Variants in GPM6A observed in about 807,000 individuals in gnomAD.
GPM6A encodes the protein neuronal membrane glycoprotein M6-a.
A neutral mutation model predicts 32.1 loss-of-function variants in GPM6A; 7 were observed. The observed-to-expected ratio is 0.22, with a 90% CI of 0.12 to 0.41. GPM6A has a LOEUF of 0.41. Among genes scored for constraint, GPM6A ranks in the 10% least tolerant of loss-of-function variants. The pLI, the probability that GPM6A is intolerant of heterozygous loss-of-function variation, is 1.00. For synonymous variants in GPM6A, 130 were observed against 123.4 expected, an observed-to-expected ratio of 1.05 and a Z score of -0.35; for missense variants, 235 against 347.2, an observed-to-expected ratio of 0.68 and a Z score of 2.57.
intron 1 of GPM6A, among the ~76,000 whole-genome samples, chr4:175,866,373 C>T (rs940480008): frequency 6.6e-6 from 1 of 152,138 alleles, no homozygotes; most frequent in African/African-American, 2.4e-5. Flanking sequence ...ACATACCTAT[C>T]GTTAGAGTAT....
Position 175,734,260 on chromosome 4 carries a change from T to C in GPM6A, c.38-32493A>G, listed in dbSNP as rs191341871. On this transcript the variant is annotated intron_variant, in intron 1 of 6. Transcript: ENST00000393658. ...GGTTCAGAACCAGGTTCTGTTCCCT[T>C]GTCTTTAGCTGTTCTCTTTTCTAAT... 1.0e-2 allele frequency among the ~76,000 whole-genome samples: 1,520 copies of C among 152,110 alleles called. 16 individuals are homozygous for C. The highest frequency in any genetic ancestry group is 0.044 in the Middle Eastern group (13 of 294).
In GPM6A at chr4:175,864,687, TG is replaced by T. The variant is rs1736676288; in HGVS notation, c.-22-52439del. The stretch of plus-strand genomic sequence containing the variant: ...TTTTGTTTTATAGTTTGTGTCTTTG[TG>T]GGGGCATACTATTCATGTAATCTTT... On this transcript the variant is annotated intron_variant, in intron 1 of 7. Transcript: ENST00000280187. 2.0e-5 allele frequency among the ~76,000 whole-genome samples: 3 copies of T among 152,328 alleles called. No homozygotes were observed. The South Asian group carries it at 6.2e-4, about 32-fold the overall frequency.
chr4:175,820,667 T>A (rs1045460490), intron 1 of GPM6A, among the ~76,000 whole-genome samples: 1 of 151,922 alleles, frequency 6.6e-6, no homozygotes, highest in Non-Finnish European at 1.5e-5. Flanking sequence ...GCCCAGCTAA[T>A]TTTTATATTT....
At chr4:175,915,451 T>G (rs1015178510) in intron 1 of GPM6A, among the ~76,000 whole-genome samples, 7 of 152,078 alleles carry the variant, frequency 4.6e-5, no homozygotes, top group African/African-American at 1.7e-4. Context: ...CACATGCGGC[T>G]AATTTTTGTA....
intron 1 of GPM6A, among the ~76,000 whole-genome samples, chr4:175,788,766 A>G (rs1472430627): frequency 6.6e-6 from 1 of 152,170 alleles, no homozygotes; most frequent in Non-Finnish European, 1.5e-5. Flanking sequence ...AAATACTTAA[A>G]CCTATCCACC....
At chr4:175,656,334 T>C (rs1472759238) in intron 3 of GPM6A, among the ~76,000 whole-genome samples, 1 of 152,150 alleles carries the variant, frequency 6.6e-6, no homozygotes, top group Non-Finnish European at 1.5e-5. Flanking sequence ...CATCAGAACA[T>C]GCAAATGTCT....
chr4:175,693,097 A>G (rs576755582), intron 2 of GPM6A, among the ~76,000 whole-genome samples: 3 of 151,888 alleles, frequency 2.0e-5, no homozygotes, highest in African/African-American at 7.2e-5. Flanking sequence ...CACTTTTCTC[A>G]CATACCTTTC....
intron 3 of GPM6A, among the ~76,000 whole-genome samples, chr4:175,667,819 A>C (rs1339760626): frequency 6.6e-6 from 1 of 152,100 alleles, no homozygotes. Flanking sequence ...ATTTTTTTTA[A>C]GTTTTGGCCA....
At chr4:175,726,831 A>G (rs994070917) in intron 1 of GPM6A, among the ~76,000 whole-genome samples, 3 of 152,200 alleles carry the variant, frequency 2.0e-5, no homozygotes, top group Non-Finnish European at 4.4e-5. Flanking sequence ...CCCCGTCTCT[A>G]CTAAAAATAC....
intron 1 of GPM6A, among the ~76,000 whole-genome samples, chr4:175,856,021 T>G (rs1309584392): frequency 6.6e-6 from 1 of 152,114 alleles, no homozygotes; most frequent in Non-Finnish European, 1.5e-5. Flanking sequence ...ATTCTAGGAC[T>G]GGGATGAGAT....
At chr4:175,762,111 T>G (rs556468915) in intron 1 of GPM6A, among the ~76,000 whole-genome samples, 2 of 152,288 alleles carry the variant, frequency 1.3e-5, no homozygotes, top group East Asian at 3.9e-4. Flanking sequence ...GCTTTCAATG[T>G]CTGAAAAAGA....
intron 4 of GPM6A, among the ~76,000 whole-genome samples, chr4:175,643,398 T>C (rs1291004214): frequency 6.6e-6 from 1 of 152,180 alleles, no homozygotes; most frequent in African/African-American, 2.4e-5. Context: ...TCTTTTGTCC[T>C]ACTGTCTTGT....
At chr4:175,993,199 C>G (rs1342464183) in intron 1 of GPM6A, among the ~76,000 whole-genome samples, 1 of 142,448 alleles carries the variant, frequency 7.0e-6, no homozygotes, top group Non-Finnish European at 1.5e-5. Context: ...TTTTTTTTTC[C>G]TAGTCCTTGT....
chr4:175,636,201 G>A (rs190201064), intron 6 of GPM6A, among the ~76,000 whole-genome samples: 224 of 147,700 alleles, frequency 1.5e-3, no homozygotes, highest in Admixed American at 2.6e-3. Context: ...CCTGAAAGCA[G>A]GGGCTGTGAG....
intron 1 of GPM6A, chr4:175,962,068 C>T (rs951845126): frequency 1.4e-6 from 1 of 725,052 alleles, no homozygotes; most frequent in East Asian, 2.6e-5. Flanking sequence ...CCAGATGTTG[C>T]CAATCTGGTT....
At chr4:175,728,811 G>A (rs1043670133) in intron 1 of GPM6A, among the ~76,000 whole-genome samples, 3 of 152,144 alleles carry the variant, frequency 2.0e-5, no homozygotes, top group African/African-American at 7.2e-5. Flanking sequence ...TTCTTTGTCT[G>A]AAGGTGTATT....
chr4:175,860,951 A>G (rs534189492), intron 1 of GPM6A, among the ~76,000 whole-genome samples: 1 of 152,176 alleles, frequency 6.6e-6, no homozygotes, highest in East Asian at 1.9e-4. Flanking sequence ...ATTTCCTCAC[A>G]TAAATATCTC....
chr4:175,716,818 A>C lies in GPM6A; in HGVS notation c.38-15051T>G, dbSNP rs538989935. Among the ~76,000 whole-genome samples the C allele has an allele frequency of 5.9e-5, 9 of 152,308 alleles. No individual in the cohort carries two copies. The East Asian group carries it at 1.7e-3, about 29-fold the overall frequency. ...TTTTCTTAAAGGAATTTATGATCACAAGTTATTTACTAGTATTTAATAAAA... is the reference window on the plus strand; with the variant it reads ...TTTTCTTAAAGGAATTTATGATCACCAGTTATTTACTAGTATTTAATAAAA... On this transcript the variant is annotated intron_variant, in intron 1 of 6. Transcript: ENST00000393658.
intron 6 of GPM6A, among the ~76,000 whole-genome samples, chr4:175,636,074 A>G (rs945962034): frequency 6.6e-6 from 1 of 151,778 alleles, no homozygotes; most frequent in Non-Finnish European, 1.5e-5. Flanking sequence ...GCAAAAAACA[A>G]AATAATTTTG....
Sources: allele counts gnomAD v4.1 joint callset (sites outside exome capture counted in the v4.1 genomes callset), GRCh38; gene constraint gnomAD v4.1.1; transcripts MANE v1.5; gene names NCBI Gene and HGNC (gene_info 2026-07-23, HGNC 2026-07-21).